Variants in KCNK17 observed in about 807,000 individuals in gnomAD.
KCNK17 encodes the protein potassium channel subfamily K member 17.
KCNK17 carries 27 observed loss-of-function variants against 24.6 expected under a neutral mutation model. The ratio of observed to expected loss-of-function variants is 1.10; its 90% CI spans 0.81 to 1.51. The LOEUF (loss-of-function observed/expected upper bound fraction) is 1.51, where lower values mean the gene tolerates loss of function less well. Among genes scored for constraint, KCNK17 ranks in the 40% most tolerant of loss-of-function variants. The pLI, the probability that KCNK17 is intolerant of heterozygous loss-of-function variation, is 0.00. For synonymous variants in KCNK17, 181 were observed against 189.8 expected, an observed-to-expected ratio of 0.95 and a Z score of 0.38; for missense variants, 450 against 436.6, an observed-to-expected ratio of 1.03 and a Z score of -0.27.
intron 4 of KCNK17, among the ~76,000 whole-genome samples, chr6:39,300,876 T>A (rs1003417914): frequency 1.3e-5 from 2 of 152,210 alleles, no homozygotes; most frequent in African/African-American, 4.8e-5. Flanking sequence ...CAGACATCAC[T>A]CCCTACAGAC....
intron 4 of KCNK17, among the ~76,000 whole-genome samples, chr6:39,302,843 G>C (rs1162635173): frequency 6.6e-6 from 1 of 152,156 alleles, no homozygotes; most frequent in East Asian, 1.9e-4. Flanking sequence ...CCAGAAGGGG[G>C]CAGTGTGAGG....
chr6:39,310,751 G>T, intron 2 of KCNK17, 142 bp downstream of exon 2: 1 of 591,414 alleles, frequency 1.7e-6, no homozygotes, highest in Non-Finnish European at 3.0e-6. Context: ...CTGCTCCCAG[G>T]CGGTGTCCAT....
At chr6:39,310,046 G>A (rs1166254677) in intron 2 of KCNK17, among the ~76,000 whole-genome samples, 2 of 152,232 alleles carry the variant, frequency 1.3e-5, no homozygotes, top group Non-Finnish European at 2.9e-5. Context: ...GGATACTGGT[G>A]TCCTGGAGAG....
intron 4 of KCNK17, among the ~76,000 whole-genome samples, chr6:39,300,996 A>G (rs1761943417): frequency 6.6e-6 from 1 of 152,050 alleles, no homozygotes; most frequent in Non-Finnish European, 1.5e-5. Context: ...TCCTCCTATG[A>G]CTGTTGGGAG....
At chr6:39,313,932 C>T in intron 1 of KCNK17, 152 bp downstream of exon 1, 1 of 597,700 alleles carries the variant, frequency 1.7e-6, no homozygotes, top group Non-Finnish European at 2.8e-6. Flanking sequence ...GGAACGCCCA[C>T]CCCCGTTGTG....
chr6:39,299,353 T>C lies in KCNK17; in HGVS notation c.*74A>G, dbSNP rs1761907137. 1 of 1,163,184 alleles carries C rather than the reference T, an allele frequency of 8.6e-7. No homozygotes were observed. Among genetic ancestry groups the C allele is most frequent in the Non-Finnish European group, 1.2e-6 (1 of 816,396 alleles). The allele number at this position is 1,163,184 out of a possible 1,614,324, so 72.1% of individuals were successfully genotyped here. ...GGTGGATGGAAAATGTAGTCTTTAGTTTGGGTGGACATGTGCAAAGCTTAA... is the reference window on the plus strand; with the variant it reads ...GGTGGATGGAAAATGTAGTCTTTAGCTTGGGTGGACATGTGCAAAGCTTAA... On this transcript the variant is annotated 3_prime_UTR_variant, in exon 5 of 5. Transcript: ENST00000373231.
chr6:39,300,705 T>A (rs1761938536), intron 4 of KCNK17, among the ~76,000 whole-genome samples: 1 of 152,154 alleles, frequency 6.6e-6, no homozygotes, highest in South Asian at 2.1e-4. Context: ...AGCACACCTC[T>A]CCCCTCTGAC....
rs1249485360 is a variant in KCNK17, at chr6:39,314,108, G to T, written c.213C>A (p.Arg71=). ...CCCGGATCAGCGAGTCCAGCGCCGG[G>T]CGGTCCAGACACGTGAAGTTCTGCA... is the stretch of plus-strand genomic sequence containing the variant. ...ELLQNFTCLD[R]PALDSLIRDV... Residue 71 remains arginine, a synonymous_variant, in exon 1 of 5, where the codon CGC becomes CGA. Coordinates refer to ENST00000373231, the MANE Select transcript of KCNK17 (RefSeq NM_031460.4). 8.2e-6 allele frequency: 13 copies of T among 1,589,902 alleles called. No individual in the cohort carries two copies. Among genetic ancestry groups the T allele is most frequent in the Non-Finnish European group, 1.1e-5 (13 of 1,169,980 alleles).
At chr6:39,305,440 TGGGA>T (rs1762018505) in intron 2 of KCNK17, among the ~76,000 whole-genome samples, 1 of 151,174 alleles carries the variant, frequency 6.6e-6, no homozygotes, top group African/African-American at 2.4e-5. Flanking sequence ...TAAAGCTCAG[TGGGA>T]GGGAGGGACA....
At chr6:39,312,335 T>A (rs949709274) in intron 1 of KCNK17, among the ~76,000 whole-genome samples, 2 of 150,540 alleles carry the variant, frequency 1.3e-5, no homozygotes, top group Admixed American at 1.3e-4. Context: ...TCCTTATTCC[T>A]GGAGTTGGCT....
Position 39,304,630 on chromosome 6 carries a change from C to G in KCNK17, c.378G>C (p.Thr126=), listed in dbSNP as rs372683435. Residue 126 remains threonine, a synonymous_variant, in exon 3 of 5, where the codon ACG becomes ACC. Transcript: ENST00000373231. ...AGATGCAGAAGAGGCGGGCAGCCATCGTGTTGGGGCTCAGGTTGCCATAGC... is the reference window on the plus strand; with the variant it reads ...AGATGCAGAAGAGGCGGGCAGCCATGGTGTTGGGGCTCAGGTTGCCATAGC... ...TIGYGNLSPN[T]MAARLFCIFF... 21 of 1,612,664 alleles carry G rather than the reference C, an allele frequency of 1.3e-5. No homozygotes were observed. The highest frequency in any genetic ancestry group is 1.1e-4 in the East Asian group (5 of 44,828).
rs112908107 is a variant in KCNK17 at position 39,304,144 on chromosome 6, C to T, written c.514-13G>A. The T allele has an allele frequency of 8.1e-6, 13 of 1,604,136 alleles. 1 individual carries two copies. The highest frequency in any genetic ancestry group is 2.7e-5 in the African/African-American group (2 of 74,932). On this transcript the variant is annotated splice_polypyrimidine_tract_variant and intron_variant, in intron 3 of 4. Coordinates refer to ENST00000373231, the MANE Select transcript of KCNK17 (RefSeq NM_031460.4). ...CCTTGTCAGGATCCTGTGGGTGCAA[C>T]ATTGTCCCCAGGCCTCCTGAGGCCT...
Position 39,300,256 on chromosome 6 carries a change from G to A in KCNK17, c.689-519C>T, listed in dbSNP as rs193137870. 788 of 545,238 alleles carry A rather than the reference G, an allele frequency of 1.4e-3. 7 individuals are homozygous for A. Among genetic ancestry groups the A allele is most frequent in the African/African-American group, 0.013 (655 of 52,362 alleles). The allele number at this position is 545,238 out of a possible 1,614,324, so 33.8% of individuals were successfully genotyped here. A position where few individuals can be genotyped will look rare whatever the true frequency, so the allele number is the denominator to read the frequency against. On this transcript the variant is annotated intron_variant, in intron 4 of 4. Coordinates refer to ENST00000373231, the MANE Select transcript of KCNK17 (RefSeq NM_031460.4). The stretch of plus-strand genomic sequence containing the variant: ...TCCTGCCTCAGCCTCCCGAGTAGCC[G>A]GGACTACAGGCGCCTGCCGCCACGC...
chr6:39,308,706 G>A (rs1762077635), intron 2 of KCNK17, among the ~76,000 whole-genome samples: 2 of 152,256 alleles, frequency 1.3e-5, no homozygotes, highest in Admixed American at 6.5e-5. Context: ...TGGCCCAGAG[G>A]TATTTGTGTT....
intron 4 of KCNK17, among the ~76,000 whole-genome samples, chr6:39,300,766 G>C (rs1761939833): frequency 6.6e-6 from 1 of 152,006 alleles, no homozygotes; most frequent in South Asian, 2.1e-4. Context: ...CATTCTTTCT[G>C]CCTCTGGGCT....
At position 39,314,388 on chromosome 6, in the gene KCNK17, C is replaced by A. The variant is rs1305800975; in HGVS notation, c.-68G>T. 15 of 1,145,074 alleles carry A rather than the reference C, an allele frequency of 1.3e-5. No homozygotes were observed. The highest frequency in any genetic ancestry group is 1.8e-5 in the Non-Finnish European group (15 of 855,224). The allele number at this position is 1,145,074 out of a possible 1,614,324, so 70.9% of individuals were successfully genotyped here. A position where few individuals can be genotyped will look rare whatever the true frequency, so the allele number is the denominator to read the frequency against. ...GACCCGGTGGGAGGGAAGGGCCAGG[C>A]GTCCAGCTCGTATCTCCTCTCGCAA... On this transcript the variant is annotated 5_prime_UTR_variant, in exon 1 of 5. Transcript: ENST00000373231.
chr6:39,307,588 TG>T (rs1481033592), intron 2 of KCNK17, among the ~76,000 whole-genome samples: 1 of 152,178 alleles, frequency 6.6e-6, no homozygotes, highest in Non-Finnish European at 1.5e-5. Flanking sequence ...AGGAGCCCCA[TG>T]GAGGCCTGCA....
At chr6:39,309,621 C>T (rs1052022117) in intron 2 of KCNK17, among the ~76,000 whole-genome samples, 1 of 152,062 alleles carries the variant, frequency 6.6e-6, no homozygotes, top group Non-Finnish European at 1.5e-5. Flanking sequence ...AGTCACAGGC[C>T]CTGAGAAGAG....
chr6:39,314,353 G>A lies in KCNK17; in HGVS notation c.-33C>T, dbSNP rs1762229278. On this transcript the variant is annotated 5_prime_UTR_variant, in exon 1 of 5. Transcript: ENST00000373231. ...GAGGCGGGGAGCCGGCGCCGGGAGC[G>A]GTGGACTAGGACCCGGTGGGAGGGA... 1 of 1,356,762 alleles carries A rather than the reference G, an allele frequency of 7.4e-7. No homozygotes were observed. The highest frequency in any genetic ancestry group is 9.6e-7 in the Non-Finnish European group (1 of 1,045,986). 84.0% of individuals were successfully genotyped at this position (1,356,762 alleles called of 1,614,324 possible).
Sources: gnomAD v4.1 joint callset for allele counts (sites outside exome capture counted in the v4.1 genomes callset) on GRCh38, gnomAD v4.1.1 for gene constraint, MANE v1.5 for transcripts, NCBI Gene and HGNC (gene_info 2026-07-23, HGNC 2026-07-21) for gene names.